Variants in TECRL observed in about 807,000 individuals in gnomAD.
TECRL encodes the protein trans-2,3-enoyl-CoA reductase like, also known as trans-2,3-enoyl-CoA reductase-like.
A neutral mutation model predicts 52.8 loss-of-function variants in TECRL; 63 were observed. The observed-to-expected ratio is 1.19, with a 90% CI of 0.97 to 1.47. The LOEUF (loss-of-function observed/expected upper bound fraction) is 1.47. TECRL is among the 40% of genes most tolerant of loss of function. TECRL has a pLI of 0.00. For synonymous variants in TECRL, 164 were observed against 141.9 expected, an observed-to-expected ratio of 1.16 and a Z score of -1.10; for missense variants, 482 against 429.6, an observed-to-expected ratio of 1.12 and a Z score of -1.08.
At chr4:64,336,112 G>T (rs1181560718) in intron 2 of TECRL, among the ~76,000 whole-genome samples, 1 of 152,092 alleles carries the variant, frequency 6.6e-6, no homozygotes, top group African/African-American at 2.4e-5. Context: ...TGTACCTCTG[G>T]TAGAATTCAG....
Position 64,368,495 on chromosome 4 carries a change from C to G in TECRL, c.286+6677G>C, listed in dbSNP as rs572189222. Among the ~76,000 whole-genome samples, 17 of 152,114 alleles carry G rather than the reference C, an allele frequency of 1.1e-4. No homozygotes were observed. The East Asian group carries it at 3.3e-3, about 30-fold the overall frequency. ...ATTTTTAGTAGAGACGGGGTTTCGCCCTGTTGACCAGGCTGGTCTCAAACT... is the reference window on the plus strand; with the variant it reads ...ATTTTTAGTAGAGACGGGGTTTCGCGCTGTTGACCAGGCTGGTCTCAAACT... On this transcript the variant is annotated intron_variant, in intron 2 of 11. Coordinates refer to ENST00000381210, the MANE Select transcript of TECRL (RefSeq NM_001010874.5).
intron 2 of TECRL, among the ~76,000 whole-genome samples, chr4:64,371,728 G>T (rs986339460): frequency 6.6e-6 from 1 of 151,526 alleles, no homozygotes; most frequent in African/African-American, 2.4e-5. Context: ...CAACTGTTCT[G>T]TCCCGTCATG....
intron 1 of TECRL, among the ~76,000 whole-genome samples, chr4:64,382,360 CACACACAT>C (rs1484867914): frequency 2.1e-5 from 3 of 146,184 alleles, no homozygotes; most frequent in Non-Finnish European, 4.5e-5. Flanking sequence ...CACACACTTA[CACACACAT>C]ACACACACAC....
intron 4 of TECRL, among the ~76,000 whole-genome samples, chr4:64,322,475 A>AT (rs1717969901): frequency 6.6e-6 from 1 of 150,428 alleles, no homozygotes; most frequent in Admixed American, 6.6e-5. Flanking sequence ...AAAAAAAAAA[A>AT]GGAACTTATC....
chr4:64,291,431 C>T (rs540848787), intron 8 of TECRL, among the ~76,000 whole-genome samples: 111 of 152,002 alleles, frequency 7.3e-4, no homozygotes, highest in African/African-American at 2.6e-3. Context: ...ACTTAGACAG[C>T]TTGTCATATT....
intron 1 of TECRL, among the ~76,000 whole-genome samples, chr4:64,386,818 G>A (rs1469623022): frequency 6.6e-6 from 1 of 152,094 alleles, no homozygotes; most frequent in Admixed American, 6.6e-5. Flanking sequence ...TTGAAGAGAA[G>A]GACCAGAGAT....
chr4:64,407,160 C>T (rs1178082122), intron 1 of TECRL, among the ~76,000 whole-genome samples: 1 of 151,926 alleles, frequency 6.6e-6, no homozygotes, highest in Non-Finnish European at 1.5e-5. Flanking sequence ...GTAAATTGCA[C>T]ATTATATAGG....
At chr4:64,334,604 T>C (rs1227485281) in intron 2 of TECRL, among the ~76,000 whole-genome samples, 1 of 152,210 alleles carries the variant, frequency 6.6e-6, no homozygotes, top group East Asian at 1.9e-4. Flanking sequence ...AAGAGTTTAC[T>C]TTTACAAAGA....
chr4:64,276,879 G>T, downstream of TECRL: 1 of 444,214 alleles, frequency 2.3e-6, no homozygotes, highest in Non-Finnish European at 4.0e-6. Flanking sequence ...ATATGCATAT[G>T]TGTACATACT....
At chr4:64,397,474 C>T (rs1053880261) in intron 1 of TECRL, among the ~76,000 whole-genome samples, 11 of 151,378 alleles carry the variant, frequency 7.3e-5, no homozygotes, top group East Asian at 2.0e-4. Flanking sequence ...TGGGAGGTGG[C>T]GCCTTTGTGA....
intron 4 of TECRL, among the ~76,000 whole-genome samples, chr4:64,321,103 A>G (rs778001988): frequency 6.6e-6 from 1 of 152,096 alleles, no homozygotes; most frequent in Non-Finnish European, 1.5e-5. Context: ...CATATATACT[A>G]CTAATTTCTT....
intron 1 of TECRL, among the ~76,000 whole-genome samples, chr4:64,377,412 C>T (rs970781644): frequency 1.2e-4 from 18 of 152,044 alleles, no homozygotes; most frequent in African/African-American, 4.3e-4. Flanking sequence ...GTCTCAGTGG[C>T]TTCATCAGGG....
intron 1 of TECRL, among the ~76,000 whole-genome samples, chr4:64,378,268 C>T (rs1722535533): frequency 6.6e-6 from 1 of 151,922 alleles, no homozygotes; most frequent in Non-Finnish European, 1.5e-5. Flanking sequence ...CTGAGAATTT[C>T]CATTAGAAGA....
At chr4:64,381,329 C>A (rs903014760) in intron 1 of TECRL, among the ~76,000 whole-genome samples, 2 of 150,778 alleles carry the variant, frequency 1.3e-5, no homozygotes, top group African/African-American at 4.9e-5. Context: ...ATTATGTCAT[C>A]TACAAAGGAC....
intron 2 of TECRL, among the ~76,000 whole-genome samples, chr4:64,334,153 G>T (rs11736656): frequency 5.3e-5 from 8 of 151,172 alleles, no homozygotes; most frequent in African/African-American, 1.9e-4. Context: ...ACAGACCTAA[G>T]AAAAGGGGCA....
At chr4:64,366,633 C>T (rs1370603642) in intron 2 of TECRL, among the ~76,000 whole-genome samples, 1 of 151,964 alleles carries the variant, frequency 6.6e-6, no homozygotes, top group East Asian at 1.9e-4. Context: ...AGATGATACA[C>T]ATGCATATGA....
At chr4:64,281,192 A>G in intron 10 of TECRL, 106 bp from the exon 11 acceptor site, 1 of 672,280 alleles carries the variant, frequency 1.5e-6, no homozygotes, top group East Asian at 3.0e-5. Context: ...TAGAAAACTT[A>G]TAGATAGGAA....
intron 2 of TECRL, among the ~76,000 whole-genome samples, chr4:64,330,863 A>C (rs1162157739): frequency 1.3e-5 from 2 of 152,172 alleles, no homozygotes; most frequent in African/African-American, 4.8e-5. Context: ...TTCTAAACAA[A>C]TACCACATCC....
chr4:64,295,940 C>T (rs1477118765), intron 8 of TECRL, among the ~76,000 whole-genome samples: 1 of 151,692 alleles, frequency 6.6e-6, no homozygotes, highest in Non-Finnish European at 1.5e-5. Context: ...AAAATTGATT[C>T]CTGTGTATGT....
Sources: allele counts gnomAD v4.1 joint callset (sites outside exome capture counted in the v4.1 genomes callset), GRCh38; gene constraint gnomAD v4.1.1; transcripts MANE v1.5; gene names NCBI Gene and HGNC (gene_info 2026-07-23, HGNC 2026-07-21).